KIAA1217: variants seen among roughly 807,000 people sequenced by gnomAD.
The protein encoded by KIAA1217 is KIAA1217, also known as sickle tail protein homolog.
A neutral mutation model predicts 163.9 loss-of-function variants in KIAA1217; 88 were observed. The ratio of observed to expected loss-of-function variants is 0.54; its 90% CI spans 0.45 to 0.64. The LOEUF (loss-of-function observed/expected upper bound fraction) is 0.64. KIAA1217 is among the 30% of genes least tolerant of loss of function. The pLI, the probability that KIAA1217 is intolerant of heterozygous loss-of-function variation, is 0.00. For synonymous variants in KIAA1217, 903 were observed against 923.1 expected (o/e 0.98, Z 0.39); for missense variants, 2,372 against 2,475.0 (o/e 0.96, Z 0.88).
At chr10:23,826,147 AGTTAT>A (rs1215401542) in intron 1 of KIAA1217, among the ~76,000 whole-genome samples, 1 of 152,048 alleles carries the variant, frequency 6.6e-6, no homozygotes, top group African/African-American at 2.4e-5. Context: ...ATATTGCACT[AGTTAT>A]GTTTGAATTT....
intron 1 of KIAA1217, among the ~76,000 whole-genome samples, chr10:23,934,625 A>ATATATTTTTT (rs1554826424): frequency 5.8e-5 from 4 of 68,550 alleles, no homozygotes; most frequent in African/African-American, 1.8e-4. Flanking sequence ...ATATATATAT[A>ATATATTTTTT]TTTTTTTTTT....
At chr10:23,878,957 G>A (rs1473890977) in intron 1 of KIAA1217, among the ~76,000 whole-genome samples, 2 of 151,942 alleles carry the variant, frequency 1.3e-5, no homozygotes, top group African/African-American at 4.8e-5. Context: ...GCAAAAACAA[G>A]TTTAGAACAT....
At chr10:24,086,255 C>T (rs1024319227) in intron 2 of KIAA1217, among the ~76,000 whole-genome samples, 1 of 152,208 alleles carries the variant, frequency 6.6e-6, no homozygotes, top group South Asian at 2.1e-4. Flanking sequence ...CTAGGGTCAG[C>T]TCTGCCTTCA....
chr10:24,174,313 G>A (rs1368769391), intron 2 of KIAA1217, among the ~76,000 whole-genome samples: 3 of 152,184 alleles, frequency 2.0e-5, no homozygotes, highest in Non-Finnish European at 4.4e-5. Flanking sequence ...TCACCAAAAG[G>A]TGTGTCCCAG....
At chr10:24,414,718 C>A (rs942459044) in intron 3 of KIAA1217, among the ~76,000 whole-genome samples, 35 of 152,216 alleles carry the variant, frequency 2.3e-4, no homozygotes, top group African/African-American at 7.5e-4. Flanking sequence ...GGACTCGCCC[C>A]ACCCACCACT....
At chr10:23,888,592 C>G (rs529697121) in intron 1 of KIAA1217, among the ~76,000 whole-genome samples, 1 of 151,742 alleles carries the variant, frequency 6.6e-6, no homozygotes, top group East Asian at 2.0e-4. Context: ...ATTGAGGAGA[C>G]TGCTTAGTAT....
chr10:24,061,790 T>G (rs1261662411), intron 2 of KIAA1217, among the ~76,000 whole-genome samples: 1 of 152,214 alleles, frequency 6.6e-6, no homozygotes, highest in African/African-American at 2.4e-5. Flanking sequence ...ACAAGTTTCT[T>G]TTCTCTTCCT....
chr10:23,737,191 C>G (rs1188552700), intron 1 of KIAA1217, among the ~76,000 whole-genome samples: 1 of 151,992 alleles, frequency 6.6e-6, no homozygotes, highest in Non-Finnish European at 1.5e-5. Flanking sequence ...TTAAATTCTA[C>G]CAGACTTACA....
intron 2 of KIAA1217, among the ~76,000 whole-genome samples, chr10:24,086,567 GC>G (rs2061705288): frequency 1.3e-5 from 2 of 152,206 alleles, no homozygotes; most frequent in Admixed American, 1.3e-4. Flanking sequence ...TTGGAAGAAA[GC>G]TTTAGTTTCA....
intron 2 of KIAA1217, among the ~76,000 whole-genome samples, chr10:24,174,380 G>A (rs916699440): frequency 3.9e-5 from 6 of 152,214 alleles, no homozygotes; most frequent in African/African-American, 1.4e-4. Context: ...GGGGAGAGGA[G>A]AGTATTTTTC....
At chr10:24,328,897 T>C (rs576436212) in intron 2 of KIAA1217, among the ~76,000 whole-genome samples, 107 of 152,090 alleles carry the variant, frequency 7.0e-4, no homozygotes, top group African/African-American at 2.5e-3. Flanking sequence ...TTCCCAATTT[T>C]CATAACTGAT....
At position 23,790,585 on chromosome 10, in the gene KIAA1217, G is replaced by A. The variant is rs117105248; in HGVS notation, c.-321+95351G>A. Among the ~76,000 whole-genome samples the A allele has an allele frequency of 6.0e-4, 45 of 75,152 alleles. 2 individuals carry two copies. Among genetic ancestry groups the A allele is most frequent in the African/African-American group, 2.7e-3 (33 of 12,238 alleles). 49.3% of individuals were successfully genotyped at this position (75,152 alleles called of 152,430 possible). A position where few individuals can be genotyped will look rare whatever the true frequency, so the allele number is the denominator to read the frequency against. On this transcript the variant is annotated intron_variant, in intron 1 of 18. Transcript: ENST00000376462. The stretch of plus-strand genomic sequence containing the variant: ...CATATGTATATATACATATGTATAT[G>A]TACATATATACATGTACATATATAC...
chr10:23,872,935 C>A (rs975505311), intron 1 of KIAA1217, among the ~76,000 whole-genome samples: 1 of 151,876 alleles, frequency 6.6e-6, no homozygotes, highest in Non-Finnish European at 1.5e-5. Flanking sequence ...TCAGGTTTCC[C>A]GTATTTTTGG....
intron 1 of KIAA1217, among the ~76,000 whole-genome samples, chr10:23,996,917 T>C (rs2131453960): frequency 6.6e-6 from 1 of 152,318 alleles, no homozygotes; most frequent in East Asian, 1.9e-4. Flanking sequence ...ACATGGTTTT[T>C]ATTCTTATTT....
intron 1 of KIAA1217, among the ~76,000 whole-genome samples, chr10:23,875,139 G>T (rs746956295): frequency 2.0e-5 from 3 of 151,974 alleles, no homozygotes; most frequent in African/African-American, 7.2e-5. Flanking sequence ...GAGCTTCCAT[G>T]ACCCAAATAC....
At chr10:24,259,516 A>G (rs959383469) in intron 2 of KIAA1217, among the ~76,000 whole-genome samples, 2 of 152,152 alleles carry the variant, frequency 1.3e-5, no homozygotes, top group African/African-American at 4.8e-5. Context: ...TCCAGAGGCT[A>G]AGGTGGGAGG....
chr10:23,960,542 C>T (rs1246440043), intron 1 of KIAA1217, among the ~76,000 whole-genome samples: 1 of 152,222 alleles, frequency 6.6e-6, no homozygotes, highest in African/African-American at 2.4e-5. Context: ...CAGGCGTGAG[C>T]CACCACGCCT....
chr10:23,922,814 A>C (rs1345768055), intron 1 of KIAA1217, among the ~76,000 whole-genome samples: 1 of 152,204 alleles, frequency 6.6e-6, no homozygotes, highest in Non-Finnish European at 1.5e-5. Flanking sequence ...GCGGCCTGAA[A>C]TAAGGTAAAG....
chr10:24,240,868 A>T (rs1049612802), intron 2 of KIAA1217, among the ~76,000 whole-genome samples: 13 of 143,666 alleles, frequency 9.0e-5, no homozygotes, highest in South Asian at 6.6e-4. Context: ...TTTTTTTTTA[A>T]AAAAAAAAGA....
Sources: gnomAD v4.1 joint callset for allele counts (sites outside exome capture counted in the v4.1 genomes callset) on GRCh38, gnomAD v4.1.1 for gene constraint, MANE v1.5 for transcripts, NCBI Gene and HGNC (gene_info 2026-07-23, HGNC 2026-07-21) for gene names.